MECOM: variants seen among roughly 807,000 people sequenced by gnomAD.
The protein encoded by MECOM is histone-lysine N-methyltransferase MECOM.
In MECOM, 13 loss-of-function variants were observed where a neutral mutation model predicts 116.3. That is an observed-to-expected ratio of 0.11 (90% confidence interval 0.07 to 0.18). MECOM has a LOEUF of 0.18. MECOM is among the 10% of genes least tolerant of loss of function. The pLI is 1.00. For synonymous variants in MECOM, 528 were observed against 535.2 expected, an observed-to-expected ratio of 0.99 and a Z score of 0.19; for missense variants, 1,299 against 1,509.0, an observed-to-expected ratio of 0.86 and a Z score of 2.31.
chr3:169,122,521 T>C, intron 6 of MECOM, 59 bp downstream of exon 6: 2 of 1,580,906 alleles, frequency 1.3e-6, no homozygotes, highest in Non-Finnish European at 1.7e-6. Context: ...TAGCAAGTGA[T>C]GGATTAAGAG....
chr3:169,384,468 A>G (rs189651696), intron 1 of MECOM, among the ~76,000 whole-genome samples: 2 of 152,298 alleles, frequency 1.3e-5, no homozygotes. Flanking sequence ...AATTCAACCT[A>G]ACATTTAAAA....
At chr3:169,108,534 T>A (rs1291882484) in intron 9 of MECOM, among the ~76,000 whole-genome samples, 1 of 152,106 alleles carries the variant, frequency 6.6e-6, no homozygotes, top group East Asian at 1.9e-4. Flanking sequence ...CTGACAAGAG[T>A]CACTGGGAAA....
chr3:169,588,184 A>G (rs73174373), intron 1 of MECOM, among the ~76,000 whole-genome samples: 15,047 of 152,296 alleles, frequency 0.099, 748 homozygotes, highest in Middle Eastern at 0.17. Context: ...ACAGTATTCA[A>G]TGTAAGCACT....
At chr3:169,463,016 T>C (rs1483771969) in intron 1 of MECOM, among the ~76,000 whole-genome samples, 2 of 152,200 alleles carry the variant, frequency 1.3e-5, no homozygotes, top group Non-Finnish European at 1.5e-5. Flanking sequence ...TTGGCAAGCA[T>C]AAAAACTCAT....
At chr3:169,152,543 G>A (rs1015239799) in intron 2 of MECOM, among the ~76,000 whole-genome samples, 1 of 152,206 alleles carries the variant, frequency 6.6e-6, no homozygotes, top group African/African-American at 2.4e-5. Flanking sequence ...TCTCCGAGGA[G>A]TAGTCCAGCA....
In MECOM at chr3:169,141,317, T is replaced by G. The variant is rs1349420245; in HGVS notation, c.510+2381A>C. Among the ~76,000 whole-genome samples the G allele has an allele frequency of 2.0e-5, 3 of 152,190 alleles. No homozygotes were observed. In the East Asian group the frequency reaches 5.8e-4, roughly 29 times the overall value. ...AAAGAGAAACACTTTTTATAATTTC[T>G]TGTAGAGCGTTCCATTTGCTTTTGT... On this transcript the variant is annotated intron_variant, in intron 3 of 16. Coordinates refer to ENST00000651503, the MANE Select transcript of MECOM (RefSeq NM_004991.4).
chr3:169,094,074 AC>A (rs1382076553), intron 13 of MECOM, among the ~76,000 whole-genome samples: 1 of 152,192 alleles, frequency 6.6e-6, no homozygotes, highest in Non-Finnish European at 1.5e-5. Flanking sequence ...ATACTTCTCT[AC>A]CTAAAATCTA....
intron 1 of MECOM, among the ~76,000 whole-genome samples, chr3:169,529,034 A>G (rs1347403216): frequency 1.3e-5 from 2 of 152,220 alleles, no homozygotes; most frequent in Non-Finnish European, 2.9e-5. Context: ...TAATGTGGCA[A>G]ACACAGTTTT....
chr3:169,188,938 T>C (rs1468832347), intron 2 of MECOM, among the ~76,000 whole-genome samples: 1 of 152,090 alleles, frequency 6.6e-6, no homozygotes, highest in Non-Finnish European at 1.5e-5. Flanking sequence ...CCAAAAGTAA[T>C]GACACTTCAT....
intron 1 of MECOM, among the ~76,000 whole-genome samples, chr3:169,644,339 CT>C (rs1773882705): frequency 6.6e-6 from 1 of 152,054 alleles, no homozygotes; most frequent in Non-Finnish European, 1.5e-5. Context: ...TCACTGCAAC[CT>C]CCGGCTCCTG....
intron 1 of MECOM, among the ~76,000 whole-genome samples, chr3:169,600,752 G>A (rs1306413604): frequency 6.6e-6 from 1 of 152,144 alleles, no homozygotes; most frequent in Non-Finnish European, 1.5e-5. Flanking sequence ...AAAAAGTATG[G>A]CCACTTTTGT....
At chr3:169,641,884 C>T (rs571895517) in intron 1 of MECOM, among the ~76,000 whole-genome samples, 2 of 152,242 alleles carry the variant, frequency 1.3e-5, no homozygotes, top group Admixed American at 6.5e-5. Context: ...AAGAGGAATG[C>T]ATTGGAATGG....
chr3:169,243,844 G>A (rs1179051315), intron 2 of MECOM, among the ~76,000 whole-genome samples: 2 of 152,144 alleles, frequency 1.3e-5, no homozygotes, highest in Non-Finnish European at 2.9e-5. Context: ...AATTTTACAT[G>A]TTCCACTAAA....
At chr3:169,143,253 T>C (rs1738673626) in intron 3 of MECOM, among the ~76,000 whole-genome samples, 1 of 152,064 alleles carries the variant, frequency 6.6e-6, no homozygotes, top group Non-Finnish European at 1.5e-5. Context: ...AATGCATAAT[T>C]AGATAAGATA....
chr3:169,461,559 C>T (rs906236913), intron 1 of MECOM, among the ~76,000 whole-genome samples: 2 of 152,152 alleles, frequency 1.3e-5, no homozygotes, highest in Non-Finnish European at 2.9e-5. Flanking sequence ...AAGACCCAGG[C>T]TTCTTGGTTC....
At chr3:169,388,343 C>T (rs994334574) in intron 1 of MECOM, among the ~76,000 whole-genome samples, 15 of 152,276 alleles carry the variant, frequency 9.9e-5, no homozygotes, top group Non-Finnish European at 1.3e-4. Flanking sequence ...AGCTCTTCTG[C>T]ACCAGTAACA....
At chr3:169,086,481 T>C in intron 16 of MECOM, 1 of 659,046 alleles carries the variant, frequency 1.5e-6, no homozygotes, top group Non-Finnish European at 2.7e-6. Flanking sequence ...AATTTAAATT[T>C]TAATCCTGCC....
chr3:169,186,379 AG>A (rs1174473006), intron 2 of MECOM, among the ~76,000 whole-genome samples: 9,521 of 30,120 alleles, frequency 0.32, 528 homozygotes, highest in South Asian at 0.49. Context: ...GAAGGAAGGA[AG>A]GGAGGGAGGG....
At position 169,089,606 on chromosome 3, in the gene MECOM, A is replaced by G. The variant is rs1045619491; in HGVS notation, c.3401+394T>C. Among the ~76,000 whole-genome samples the G allele has an allele frequency of 1.1e-4, 16 of 152,138 alleles. No individual in the cohort carries two copies. The East Asian group carries it at 3.1e-3, about 29-fold the overall frequency. ...AAGTTATCATCTATATAGATCACAT[A>G]TATATCTACTGAAGTGAAGTTTATC... On this transcript the variant is annotated intron_variant, in intron 15 of 16. Transcript: ENST00000651503.
Sources: gnomAD v4.1 joint callset for allele counts (sites outside exome capture counted in the v4.1 genomes callset) on GRCh38, gnomAD v4.1.1 for gene constraint, MANE v1.5 for transcripts, NCBI Gene and HGNC (gene_info 2026-07-23, HGNC 2026-07-21) for gene names.